Variants in MAGI2 observed in about 807,000 individuals in gnomAD.
MAGI2 encodes membrane associated guanylate kinase, WW and PDZ domain containing 2.
MAGI2 carries 35 observed loss-of-function variants against 133.3 expected under a neutral mutation model. The ratio of observed to expected loss-of-function variants is 0.26; its 90% CI spans 0.20 to 0.35. The LOEUF (loss-of-function observed/expected upper bound fraction) is 0.35. MAGI2 is among the 10% of genes least tolerant of loss of function. The pLI is 1.00. For synonymous variants in MAGI2, 729 were observed against 710.6 expected, an observed-to-expected ratio of 1.03 and a Z score of -0.41; for missense variants, 1,636 against 1,863.4, an observed-to-expected ratio of 0.88 and a Z score of 2.25.
At chr7:78,702,091 A>T (rs1474911589) in intron 2 of MAGI2, among the ~76,000 whole-genome samples, 1 of 151,990 alleles carries the variant, frequency 6.6e-6, no homozygotes, top group Non-Finnish European at 1.5e-5. Flanking sequence ...CAGTGCAATT[A>T]TGTCTAGAGT....
At chr7:79,339,581 T>C (rs945505856) in intron 1 of MAGI2, among the ~76,000 whole-genome samples, 10 of 152,080 alleles carry the variant, frequency 6.6e-5, no homozygotes, top group African/African-American at 2.4e-4. Context: ...CTTTTTCTTC[T>C]AATCCACACA....
At chr7:79,237,447 C>T (rs990670007) in intron 1 of MAGI2, among the ~76,000 whole-genome samples, 1 of 152,090 alleles carries the variant, frequency 6.6e-6, no homozygotes, top group Non-Finnish European at 1.5e-5. Flanking sequence ...GAGCCAACGT[C>T]GCGCCACTGA....
chr7:79,128,748 T>C (rs920575550), intron 1 of MAGI2, among the ~76,000 whole-genome samples: 1 of 152,240 alleles, frequency 6.6e-6, no homozygotes, highest in Admixed American at 6.5e-5. Flanking sequence ...TACTCTGTGT[T>C]AGTCCAGATT....
intron 1 of MAGI2, among the ~76,000 whole-genome samples, chr7:79,424,742 A>G (rs1847221446): frequency 6.6e-6 from 1 of 152,214 alleles, no homozygotes; most frequent in Non-Finnish European, 1.5e-5. Flanking sequence ...ATAAAGTCAC[A>G]TAGTCTATAT....
At chr7:78,404,550 C>A (rs1353557876) in intron 6 of MAGI2, among the ~76,000 whole-genome samples, 1 of 151,758 alleles carries the variant, frequency 6.6e-6, no homozygotes, top group Non-Finnish European at 1.5e-5. Flanking sequence ...ACAAACCTGA[C>A]AAAAAGAAGA....
intron 3 of MAGI2, among the ~76,000 whole-genome samples, chr7:78,559,237 G>T (rs897987272): frequency 1.4e-5 from 2 of 141,080 alleles, no homozygotes; most frequent in African/African-American, 5.2e-5. Context: ...ATTCCTTTCA[G>T]GTTTTTTTTT....
At chr7:78,070,281 G>C (rs1212328488) in intron 21 of MAGI2, among the ~76,000 whole-genome samples, 2 of 147,196 alleles carry the variant, frequency 1.4e-5, no homozygotes, top group African/African-American at 5.0e-5. Context: ...CTATTACGCA[G>C]TGGAAGGTGT....
At chr7:78,509,306 T>C (rs558772334) in intron 4 of MAGI2, 1 of 152,298 alleles carries the variant, frequency 6.6e-6, no homozygotes, top group Non-Finnish European at 1.5e-5. Context: ...TAACATATAG[T>C]CTTATAAACA....
intron 9 of MAGI2, among the ~76,000 whole-genome samples, chr7:78,268,549 T>C (rs1460130073): frequency 1.3e-5 from 2 of 151,940 alleles, no homozygotes; most frequent in East Asian, 3.9e-4. Flanking sequence ...CTTAGAGGAG[T>C]CAAGTCCAAC....
intron 6 of MAGI2, among the ~76,000 whole-genome samples, chr7:78,478,928 C>T (rs932920250): frequency 6.6e-6 from 1 of 151,878 alleles, no homozygotes; most frequent in Admixed American, 6.6e-5. Context: ...GTAACTGGGA[C>T]GTGGGGGCAG....
At chr7:79,300,919 G>T (rs1004947802) in intron 1 of MAGI2, among the ~76,000 whole-genome samples, 1 of 152,230 alleles carries the variant, frequency 6.6e-6, no homozygotes, top group Non-Finnish European at 1.5e-5. Context: ...GGGGGTCCAG[G>T]TACAGCTCAG....
chr7:79,160,809 T>C (rs1434652809), intron 1 of MAGI2, among the ~76,000 whole-genome samples: 1 of 152,038 alleles, frequency 6.6e-6, no homozygotes, highest in Non-Finnish European at 1.5e-5. Context: ...GGCTTTATGA[T>C]AACTGGTATA....
chr7:78,668,840 G>T (rs1672475544), intron 2 of MAGI2, among the ~76,000 whole-genome samples: 1 of 121,724 alleles, frequency 8.2e-6, no homozygotes, highest in African/African-American at 3.1e-5. Context: ...ATAACGAAAT[G>T]AAGGCAGAAA....
At position 79,426,579 on chromosome 7, in the gene MAGI2, C is replaced by T. The variant is rs559767315; in HGVS notation, c.301+26441G>A. Among the ~76,000 whole-genome samples, 8 of 152,206 alleles carry T rather than the reference C, an allele frequency of 5.3e-5. No individual in the cohort carries two copies. In the South Asian group the frequency reaches 8.3e-4, roughly 16 times the overall value. On this transcript the variant is annotated intron_variant, in intron 1 of 21. Transcript: ENST00000354212. ...TTGGTTATTTATATGTTGAGGTGTACTGATTTGGGTAAGTTACTACATATA... is the reference window on the plus strand; with the variant it reads ...TTGGTTATTTATATGTTGAGGTGTATTGATTTGGGTAAGTTACTACATATA...
intron 3 of MAGI2, among the ~76,000 whole-genome samples, chr7:78,592,114 G>A (rs970811846): frequency 2.0e-5 from 3 of 152,166 alleles, no homozygotes; most frequent in Non-Finnish European, 4.4e-5. Context: ...GTTCCAGACA[G>A]AACAGTGAAC....
chr7:78,728,526 CATCTTTCTCTG>C, intron 2 of MAGI2, among the ~76,000 whole-genome samples: 1 of 133,218 alleles, frequency 7.5e-6, no homozygotes, highest in Non-Finnish European at 1.6e-5. Flanking sequence ...TTGGTATGTC[CATCTTTCTCTG>C]ATCTTTTTTT....
chr7:78,070,174 CATATATATATATAT>C lies in MAGI2; in HGVS notation c.3706+8759_3706+8772del, dbSNP rs57714371. On this transcript the variant is annotated intron_variant, in intron 21 of 21. Transcript: ENST00000354212. Reference sequence around the variant, plus strand: ...ACACACATATATATACACACACACACATATATATATATATATATATATATATATATATATATATA... The same window carrying C: ...ACACACATATATATACACACACACACATATATATATATATATATATATATA... 4.0e-3 allele frequency among the ~76,000 whole-genome samples: 227 copies of C among 56,664 alleles called. 3 individuals carry two copies. The highest frequency in any genetic ancestry group is 0.013 in the African/African-American group (194 of 14,482). 37.2% of individuals were successfully genotyped at this position (56,664 alleles called of 152,430 possible). A position where few individuals can be genotyped will look rare whatever the true frequency, so the allele number is the denominator to read the frequency against.
chr7:79,286,328 T>A (rs1184999082), intron 1 of MAGI2, among the ~76,000 whole-genome samples: 1 of 152,022 alleles, frequency 6.6e-6, no homozygotes, highest in African/African-American at 2.4e-5. Context: ...TTGGATAGTA[T>A]CCCCATTTAA....
chr7:79,307,507 T>A (rs1237476674), intron 1 of MAGI2, among the ~76,000 whole-genome samples: 1 of 152,200 alleles, frequency 6.6e-6, no homozygotes, highest in Non-Finnish European at 1.5e-5. Flanking sequence ...CTGCTTTTCC[T>A]CCATCCCTAC....
Sources: allele counts gnomAD v4.1 joint callset (sites outside exome capture counted in the v4.1 genomes callset), GRCh38; gene constraint gnomAD v4.1.1; transcripts MANE v1.5; gene names NCBI Gene and HGNC (gene_info 2026-07-23, HGNC 2026-07-21).